RAD9B: variants seen among roughly 807,000 people sequenced by gnomAD.
RAD9B encodes the protein RAD9 checkpoint clamp component B.
Under a neutral mutation model 48.3 loss-of-function variants are expected in RAD9B, and 41 were observed. The observed-to-expected ratio is 0.85, with a 90% CI of 0.66 to 1.10. The LOEUF is 1.10. Ranked by LOEUF, RAD9B falls within the 50% of genes least tolerant of loss-of-function variation. The pLI, the probability that RAD9B is intolerant of heterozygous loss-of-function variation, is 0.00. For missense variants in RAD9B, 444 were observed against 485.1 expected, an observed-to-expected ratio of 0.92 and a Z score of 0.80; for synonymous variants, 160 against 157.9, an observed-to-expected ratio of 1.01 and a Z score of -0.10.
chr12:110,531,235 C>G lies in RAD9B; in HGVS notation c.*582C>G. The G allele has an allele frequency of 1.3e-5, 10 of 787,498 alleles. No individual in the cohort carries two copies. Among genetic ancestry groups the G allele is most frequent in the Non-Finnish European group, 1.6e-5 (10 of 634,062 alleles). 48.8% of individuals were successfully genotyped at this position (787,498 alleles called of 1,614,324 possible). On this transcript the variant is annotated 3_prime_UTR_variant, in exon 11 of 11. Coordinates refer to ENST00000409300, the MANE Select transcript of RAD9B (RefSeq NM_001286535.2). ...TTAGACGGAGTCTCACTTTGTCACT[C>G]AGGCTCAAGTGCAGTGGTGCAATCT...
chr12:110,532,709 T>A lies in RAD9B; in HGVS notation c.*2056T>A, dbSNP rs1429466317. Among the ~76,000 whole-genome samples the A allele has an allele frequency of 6.6e-6, 1 of 152,230 alleles. No individual in the cohort carries two copies. Among genetic ancestry groups the A allele is most frequent in the Non-Finnish European group, 1.5e-5 (1 of 68,036 alleles). ...TATACAGGTGTACCATTTTTTTGTC[T>A]TTCATACCATAGTTTTGCTGAAACA... is the stretch of plus-strand genomic sequence containing the variant. On this transcript the variant is annotated 3_prime_UTR_variant, in exon 11 of 11. Transcript: ENST00000409300.
In RAD9B at chr12:110,530,587, C is replaced by T. The variant is rs139010052; in HGVS notation, c.1188C>T (p.Phe396=). The T allele has an allele frequency of 8.7e-6, 14 of 1,613,950 alleles. No individual in the cohort carries two copies. Among genetic ancestry groups the T allele is most frequent in the African/African-American group, 2.7e-5 (2 of 75,042 alleles). Residue 396 remains phenylalanine, a synonymous_variant, in exon 11 of 11, where the codon TTC becomes TTT. Coordinates refer to ENST00000409300, the MANE Select transcript of RAD9B (RefSeq NM_001286535.2). ...SDQQEHFNHP[F]DSLARASDSE... is the part of the protein sequence containing the mutation. ...AGCAAGAACACTTCAACCACCCTTT[C>T]GACAGTCTGGCAAGAGCAAGTGACA...
chr12:110,528,463 T>C (rs1165564935), intron 10 of RAD9B, among the ~76,000 whole-genome samples: 2 of 151,390 alleles, frequency 1.3e-5, no homozygotes, highest in African/African-American at 2.4e-5. Flanking sequence ...CCCACCATCT[T>C]CCTCCCTGCA....
rs755767496 is a variant in RAD9B, at chr12:110,506,648, A to G, written c.343A>G (p.Arg115Gly). ...TATAGAGAAGTGCAGAATATTCACC[A>G]GATCTGATAAATGCAAAGTAGTTAT... ...RNIEKCRIFT[R>G]SDKCKVVIQF... is the part of the protein sequence containing the mutation. Residue 115 changes from arginine (R) to glycine (G), a missense_variant, in exon 4 of 11, where the codon AGA (arginine) becomes GGA (glycine). Transcript: ENST00000409300. 7 of 1,604,366 alleles carry G rather than the reference A, an allele frequency of 4.4e-6. No homozygotes were observed. Among genetic ancestry groups the G allele is most frequent in the Non-Finnish European group, 6.0e-6 (7 of 1,171,674 alleles).
chr12:110,511,656 G>A (rs565963034), intron 4 of RAD9B: 1 of 230,234 alleles, frequency 4.3e-6, no homozygotes, highest in African/African-American at 2.3e-5. Context: ...CTAATGTGGG[G>A]TAGCAGAGTA....
intron 10 of RAD9B, among the ~76,000 whole-genome samples, chr12:110,530,201 C>T (rs1294978488): frequency 1.3e-5 from 2 of 152,116 alleles, no homozygotes; most frequent in African/African-American, 2.4e-5. Flanking sequence ...CGCCACCACA[C>T]CCAGCTAATT....
At chr12:110,511,113 A>G (rs1160653788) in intron 4 of RAD9B, among the ~76,000 whole-genome samples, 1 of 152,226 alleles carries the variant, frequency 6.6e-6, no homozygotes, top group African/African-American at 2.4e-5. Context: ...TAATAGAGAT[A>G]TGATCTGTAG....
At chr12:110,519,413 TTGTTG>T (rs770584289) in intron 8 of RAD9B, among the ~76,000 whole-genome samples, 16,438 of 145,234 alleles carry the variant, frequency 0.11, 1,053 homozygotes, top group African/African-American at 0.19. Context: ...CTACTGTTTG[TTGTTG>T]TTGTTGTTGT....
At position 110,518,865 on chromosome 12, in the gene RAD9B, T is replaced by G. The variant is rs1459367721; in HGVS notation, c.703-9T>G. On this transcript the variant is annotated splice_polypyrimidine_tract_variant and intron_variant, in intron 7 of 10. Coordinates refer to ENST00000409300, the MANE Select transcript of RAD9B (RefSeq NM_001286535.2). ...GATTTTAAGTTTTTTTCTTCTTTTC[T>G]TTTTTCAGGGAATACTGACATTTTC... The G allele has an allele frequency of 6.3e-7, 1 of 1,576,452 alleles. No individual in the cohort carries two copies. Among genetic ancestry groups the G allele is most frequent in the South Asian group, 1.2e-5 (1 of 85,656 alleles).
chr12:110,514,581 T>C (rs1409555104), intron 5 of RAD9B, among the ~76,000 whole-genome samples: 3 of 152,158 alleles, frequency 2.0e-5, no homozygotes, highest in Non-Finnish European at 2.9e-5. Context: ...AAGCAACAGG[T>C]AACAGTCGAG....
In RAD9B at chr12:110,508,233, C is replaced by G. The variant is rs573544224; in HGVS notation, c.388+1540C>G. 16 of 169,344 alleles carry G rather than the reference C, an allele frequency of 9.4e-5. No homozygotes were observed. The East Asian group carries it at 2.7e-3, about 29-fold the overall frequency. The allele number at this position is 169,344 out of a possible 1,614,324, so 10.5% of individuals were successfully genotyped here. ...TTCCTTACTGTGAAGTGGAGATGAT[C>G]ATGCCTACCCACAAGTTACGGGGTG... On this transcript the variant is annotated intron_variant, in intron 4 of 10. Coordinates refer to ENST00000409300, the MANE Select transcript of RAD9B (RefSeq NM_001286535.2).
At chr12:110,524,428 G>A (rs1253736810) in intron 10 of RAD9B, among the ~76,000 whole-genome samples, 1 of 152,048 alleles carries the variant, frequency 6.6e-6, no homozygotes, top group Non-Finnish European at 1.5e-5. Context: ...TGGGCATGGT[G>A]GCGGGCGCCT....
intron 4 of RAD9B, among the ~76,000 whole-genome samples, chr12:110,512,183 G>A (rs1382320896): frequency 7.9e-6 from 1 of 126,306 alleles, no homozygotes; most frequent in Non-Finnish European, 1.6e-5. Context: ...GTCTCACTCT[G>A]TCACCCAGGC....
At chr12:110,516,906 CAAA>C (rs1284720336) in intron 6 of RAD9B, among the ~76,000 whole-genome samples, 1 of 151,750 alleles carries the variant, frequency 6.6e-6, no homozygotes, top group African/African-American at 2.4e-5. Context: ...ATTAAAAATA[CAAA>C]AAAAATTTTT....
In RAD9B at chr12:110,533,294, T is replaced by A. The variant is rs2064182130; in HGVS notation, c.*2641T>A. On this transcript the variant is annotated 3_prime_UTR_variant, in exon 11 of 11. Coordinates refer to ENST00000409300, the MANE Select transcript of RAD9B (RefSeq NM_001286535.2). ...AATATCTTTACAGTTTATTTAAATG[T>A]ATTTACAGAACTATTCCTGCATAAG... 6.6e-6 allele frequency: 1 copy of A among 152,222 alleles called. No individual in the cohort carries two copies. The highest frequency in any genetic ancestry group is 1.5e-5 in the Non-Finnish European group (1 of 68,044). 9.4% of individuals were successfully genotyped at this position (152,222 alleles called of 1,614,324 possible).
intron 1 of RAD9B, 76 bp downstream of exon 1, chr12:110,502,459 A>G: frequency 6.5e-7 from 1 of 1,543,368 alleles, no homozygotes; most frequent in Non-Finnish European, 8.8e-7. Context: ...ACCATTGTCT[A>G]ATTTTTCCTC....
chr12:110,509,203 C>T (rs775602071), intron 4 of RAD9B, among the ~76,000 whole-genome samples: 6 of 151,914 alleles, frequency 3.9e-5, no homozygotes, highest in African/African-American at 9.7e-5. Context: ...CTCCTGACCT[C>T]GTGATCTGCC....
At chr12:110,510,157 G>A (rs1022896928) in intron 4 of RAD9B, among the ~76,000 whole-genome samples, 1 of 152,166 alleles carries the variant, frequency 6.6e-6, no homozygotes, top group South Asian at 2.1e-4. Context: ...TGATTCAGAA[G>A]CCCTGGCATG....
intron 10 of RAD9B, among the ~76,000 whole-genome samples, chr12:110,523,815 A>C (rs1355250178): frequency 6.6e-6 from 1 of 152,146 alleles, no homozygotes. Context: ...CTTTACTCCA[A>C]ATTTCCTATT....
Sources: gnomAD v4.1 joint callset for allele counts (sites outside exome capture counted in the v4.1 genomes callset) on GRCh38, gnomAD v4.1.1 for gene constraint, MANE v1.5 for transcripts, NCBI Gene and HGNC (gene_info 2026-07-23, HGNC 2026-07-21) for gene names.